The following ZW10 variants were observed in gnomAD, a reference collection of about 807,000 sequenced individuals.
The protein encoded by ZW10 is centromere/kinetochore protein zw10 homolog.
In ZW10, 53 loss-of-function variants were observed where a neutral mutation model predicts 87.8. The observed-to-expected ratio is 0.60, with a 90% CI of 0.48 to 0.76. The LOEUF is 0.76. ZW10 is among the 30% of genes least tolerant of loss of function. The pLI is 0.00. For synonymous variants in ZW10, 312 were observed against 329.2 expected (o/e 0.95, Z 0.57); for missense variants, 837 against 923.0 (o/e 0.91, Z 1.21).
rs1953849005 is a variant in ZW10, at chr11:113,760,701, A to G, written c.343-111T>C. ...TCCCCCTCCCCCCTCTAAAAAAAAA[A>G]AAAGAAAGAAAAAAAAATATGAAGA... On this transcript the variant is annotated intron_variant, in intron 3 of 15. Transcript: ENST00000200135. The G allele has an allele frequency of 8.3e-6, 10 of 1,207,130 alleles. No homozygotes were observed. The Admixed American group carries it at 1.3e-4, about 16-fold the overall frequency. 74.8% of individuals were successfully genotyped at this position (1,207,130 alleles called of 1,614,324 possible). A position where few individuals can be genotyped will look rare whatever the true frequency, so the allele number is the denominator to read the frequency against.
chr11:113,738,326 T>C lies in ZW10; in HGVS notation c.1822A>G (p.Arg608Gly). The change falls in exon 13 of 16, where the codon AGG (arginine) becomes GGG (glycine). Residue 608 changes from arginine (R) to glycine (G), a missense_variant. Transcript: ENST00000200135. ...GELLERLSSA[R>G]NFSNMDDEEN... ...TCATCGTCCATATTTGAAAAGTTCCTAGCACTTGATAATCTTTCCAGAAGT... is the reference window on the plus strand; with the variant it reads ...TCATCGTCCATATTTGAAAAGTTCCCAGCACTTGATAATCTTTCCAGAAGT... 2 of 1,613,574 alleles carry C rather than the reference T, an allele frequency of 1.2e-6. No homozygotes were observed. The highest frequency in any genetic ancestry group is 1.1e-5 in the South Asian group (1 of 90,964).
chr11:113,760,478 C>T (rs1224309167), intron 4 of ZW10, 35 bp downstream of exon 4: 2 of 1,605,992 alleles, frequency 1.2e-6, no homozygotes, highest in Admixed American at 1.7e-5. Flanking sequence ...AAGAAGAGCA[C>T]TTATTGCGCA....
At position 113,748,252 on chromosome 11, in the gene ZW10, T is replaced by C. The variant is rs765692787; in HGVS notation, c.1089+5A>G. On this transcript the variant is annotated splice_donor_5th_base_variant and intron_variant, in intron 8 of 15. Coordinates refer to ENST00000200135, the MANE Select transcript of ZW10 (RefSeq NM_004724.4). Reference sequence around the variant, plus strand: ...AAAACCTTCTGTGCTGTCTGGGCTCTTTACCTCTTCATATTGCTGTAATTT... The same window carrying C: ...AAAACCTTCTGTGCTGTCTGGGCTCCTTACCTCTTCATATTGCTGTAATTT... 6.2e-7 allele frequency: 1 copy of C among 1,607,656 alleles called. No homozygotes were observed. Among genetic ancestry groups the C allele is most frequent in the South Asian group, 1.1e-5 (1 of 89,316 alleles).
At chr11:113,754,784 G>A (rs1591417369) in intron 7 of ZW10, among the ~76,000 whole-genome samples, 1 of 152,018 alleles carries the variant, frequency 6.6e-6, no homozygotes, top group Middle Eastern at 3.4e-3. Flanking sequence ...GTAGAGGCCA[G>A]GTATCGCTAT....
At position 113,737,583 on chromosome 11, in the gene ZW10, T is replaced by C. The variant is rs1430353565; in HGVS notation, c.2005A>G (p.Thr669Ala). ...CTAATGGCCCTTACCTCTAGGGCAG[T>C]AATTTTGCCAATGACCTCAGAAATT... is the stretch of plus-strand genomic sequence containing the variant. ...TAISEVIGKITALEDISTEDG... is the reference protein window; with the variant it reads ...TAISEVIGKIAALEDISTEDG... Residue 669 changes from threonine (T) to alanine (A), a missense_variant, in exon 14 of 16, where the codon ACT (threonine) becomes GCT (alanine). Physicochemically the swap from Thr to Ala is moderately conservative, Grantham distance 58. Transcript: ENST00000200135. The C allele has an allele frequency of 1.7e-5, 27 of 1,611,742 alleles. No individual in the cohort carries two copies. The highest frequency in any genetic ancestry group is 2.1e-5 in the Non-Finnish European group (25 of 1,178,446).
intron 6 of ZW10, among the ~76,000 whole-genome samples, chr11:113,758,151 C>T (rs1790718): frequency 2.7e-5 from 4 of 150,678 alleles, no homozygotes; most frequent in Admixed American, 1.3e-4. Flanking sequence ...CCAGCCTGGG[C>T]GACAAAAGCG....
At chr11:113,756,382 G>T (rs1317731550) in intron 7 of ZW10, among the ~76,000 whole-genome samples, 1 of 152,104 alleles carries the variant, frequency 6.6e-6, no homozygotes. Flanking sequence ...AACAGCAACT[G>T]TAAAGAATTT....
At chr11:113,751,734 G>C (rs372424392) in intron 7 of ZW10, among the ~76,000 whole-genome samples, 2 of 152,212 alleles carry the variant, frequency 1.3e-5, no homozygotes, top group East Asian at 3.9e-4. Context: ...TTAGCCGGAC[G>C]TGGTGGCATG....
At chr11:113,753,613 C>T (rs566101149) in intron 7 of ZW10, among the ~76,000 whole-genome samples, 1 of 152,224 alleles carries the variant, frequency 6.6e-6, no homozygotes, top group Admixed American at 6.5e-5. Flanking sequence ...ACCATGTTGG[C>T]CAGGCTGGTC....
intron 2 of ZW10, among the ~76,000 whole-genome samples, chr11:113,765,151 CA>C (rs1251885087): frequency 6.6e-6 from 1 of 152,202 alleles, no homozygotes. Flanking sequence ...CCCAAAACAT[CA>C]ATAGTGACAA....
At position 113,736,695 on chromosome 11, in the gene ZW10, A is replaced by G. The variant is rs550929020; in HGVS notation, c.2144T>C (p.Val715Ala). The G allele has an allele frequency of 6.2e-7, 1 of 1,614,148 alleles. No homozygotes were observed. Among genetic ancestry groups the G allele is most frequent in the East Asian group, 2.2e-5 (1 of 44,878 alleles). Residue 715 changes from valine to alanine, a missense_variant, in exon 15 of 16, where the codon GTC (valine) becomes GCC (alanine). By Grantham distance (64) the Val-to-Ala change is moderately conservative (BLOSUM62 0). Coordinates refer to ENST00000200135, the MANE Select transcript of ZW10 (RefSeq NM_004724.4). ...GAATGGCATCCATTTTGGCACATAG[A>G]CTGGAACCTCTTCTTGATATTTCTT... ...KNKKYQEEVP[V>A]YVPKWMPFKE...
intron 9 of ZW10, among the ~76,000 whole-genome samples, chr11:113,745,291 C>T (rs1329426423): frequency 1.3e-5 from 2 of 148,882 alleles, no homozygotes; most frequent in Non-Finnish European, 3.0e-5. Flanking sequence ...CTCAAAGATG[C>T]TTCAGGGATT....
chr11:113,767,341 C>T (rs1371653505), intron 2 of ZW10, among the ~76,000 whole-genome samples: 2 of 151,998 alleles, frequency 1.3e-5, no homozygotes, highest in Non-Finnish European at 2.9e-5. Context: ...TTCCTCAAAT[C>T]TCTCACAAAA....
chr11:113,750,974 C>T (rs572743114), intron 7 of ZW10: 10 of 148,326 alleles, frequency 6.7e-5, no homozygotes, highest in African/African-American at 2.0e-4. Flanking sequence ...ATCTTTCTAA[C>T]AATATCAAAG....
In ZW10 at chr11:113,737,428, T is replaced by C. The variant is rs562720730; in HGVS notation, c.2016+144A>G. The stretch of plus-strand genomic sequence containing the variant: ...ATTAAACAGTTTCTAGCAAAACAGA[T>C]ATAAAACAAAACTGAAAAAAAAAAA... On this transcript the variant is annotated intron_variant, in intron 14 of 15. Coordinates refer to ENST00000200135, the MANE Select transcript of ZW10 (RefSeq NM_004724.4). 4 of 824,660 alleles carry C rather than the reference T, an allele frequency of 4.9e-6. No homozygotes were observed. The Admixed American group carries it at 1.0e-4, about 21-fold the overall frequency. The allele number at this position is 824,660 out of a possible 1,614,324, so 51.1% of individuals were successfully genotyped here.
rs995147917 is a variant in ZW10 at position 113,736,516 on chromosome 11, C to CA, written c.2219+103dup. ...ACTGCTACTCAATATGAAAGTCTTG[C>CA]ATGACTAACATCAGGAAACAGGGAA... is the stretch of plus-strand genomic sequence containing the variant. On this transcript the variant is annotated intron_variant, in intron 15 of 15. Transcript: ENST00000200135. The CA allele has an allele frequency of 1.5e-5, 18 of 1,173,570 alleles. 1 individual carries two copies. In the Admixed American group the frequency reaches 3.3e-4, roughly 21 times the overall value. The allele number at this position is 1,173,570 out of a possible 1,614,324, so 72.7% of individuals were successfully genotyped here.
At chr11:113,772,016 G>A (rs762267032) in intron 1 of ZW10, among the ~76,000 whole-genome samples, 5 of 152,126 alleles carry the variant, frequency 3.3e-5, no homozygotes, top group Non-Finnish European at 7.4e-5. Context: ...AAATGAGAAA[G>A]AGATCCCCTC....
chr11:113,741,424 C>G lies in ZW10; in HGVS notation c.1583+270G>C, dbSNP rs115626070. Among the ~76,000 whole-genome samples, 1,170 of 152,298 alleles carry G rather than the reference C, an allele frequency of 7.7e-3. 15 individuals are homozygous for G. The highest frequency in any genetic ancestry group is 0.027 in the African/African-American group (1,129 of 41,568). On this transcript the variant is annotated intron_variant, in intron 11 of 15. Transcript: ENST00000200135. ...GGCTGAAAGTTAAGTAAAGGCAGTT[C>G]TGAAAATGCTTAGCAGCAAAACAAG...
intron 9 of ZW10, among the ~76,000 whole-genome samples, chr11:113,746,723 T>G (rs1331775379): frequency 6.6e-6 from 1 of 152,194 alleles, no homozygotes; most frequent in South Asian, 2.1e-4. Context: ...GAATATTCCA[T>G]GCAGAGGTAA....
Sources: gnomAD v4.1 joint callset for allele counts (sites outside exome capture counted in the v4.1 genomes callset) on GRCh38, gnomAD v4.1.1 for gene constraint, MANE v1.5 for transcripts, NCBI Gene and HGNC (gene_info 2026-07-23, HGNC 2026-07-21) for gene names.